The following PRKACG variants were observed in gnomAD, a reference collection of about 807,000 sequenced individuals.
PRKACG encodes the protein protein kinase cAMP-activated catalytic subunit gamma.
PRKACG carries 24 observed loss-of-function variants against 25.6 expected under a neutral mutation model. That is an observed-to-expected ratio of 0.94 (90% CI 0.68 to 1.32). The LOEUF (loss-of-function observed/expected upper bound fraction) is 1.32. Ranked by LOEUF, PRKACG falls within the 40% of genes most tolerant of loss-of-function variation. The pLI, the probability that PRKACG is intolerant of heterozygous loss-of-function variation, is 0.00. For missense variants in PRKACG, 481 were observed against 462.9 expected, an observed-to-expected ratio of 1.04 and a Z score of -0.36; for synonymous variants, 202 against 195.9, an observed-to-expected ratio of 1.03 and a Z score of -0.26.
chr9:69,013,769 C>G lies in PRKACG; in HGVS notation c.324G>C (p.Gln108His), dbSNP rs1260326952. Residue 108 changes from glutamine (Q) to histidine (H), a missense_variant, in exon 1 of 1, where the codon CAG (glutamine) becomes CAC (histidine). Physicochemically the swap from Gln to His is conservative, Grantham distance 24 (BLOSUM62 0). Transcript: ENST00000377276. ...GGTAGGAGTTGTCCTTAAAGGAGAA[C>G]TGGAGCTTGACGAGGAACGGAAAGT... ...AIDFPFLVKL[Q>H]FSFKDNSYLY... 1 of 1,614,018 alleles carries G rather than the reference C, an allele frequency of 6.2e-7. No homozygotes were observed. Among genetic ancestry groups the G allele is most frequent in the Admixed American group, 1.7e-5 (1 of 60,004 alleles).
At position 69,013,488 on chromosome 9, in the gene PRKACG, G is replaced by T. The variant is rs769925081; in HGVS notation, c.605C>A (p.Thr202Asn). ...VKGRTWTLCG[T>N]PEYLAPEIIL... ...GATCTCGGGGGCCAGGTACTCTGGG[G>T]TCCCGCACAAGGTCCAAGTGCGGCC... Residue 202 changes from threonine (T) to asparagine (N), a missense_variant, in exon 1 of 1, where the codon ACC (threonine) becomes AAC (asparagine). Physicochemically the swap from Thr to Asn is moderately conservative, Grantham distance 65. Transcript: ENST00000377276. 1 of 1,614,004 alleles carries T rather than the reference G, an allele frequency of 6.2e-7. No homozygotes were observed. Among genetic ancestry groups the T allele is most frequent in the Admixed American group, 1.7e-5 (1 of 60,012 alleles).
Position 69,014,057 on chromosome 9 carries a change from C to A in PRKACG, c.36G>T (p.Gln12His). The A allele has an allele frequency of 6.2e-7, 1 of 1,611,272 alleles. No homozygotes were observed. Residue 12 changes from glutamine (Q) to histidine (H), a missense_variant, in exon 1 of 1, where the codon CAG (glutamine) becomes CAT (histidine). Gln to His is a conservative substitution (Grantham distance 24). Coordinates refer to ENST00000377276, the MANE Select transcript of PRKACG (RefSeq NM_002732.4). ...CTAGGAACTCGTTCACGCTCTCCTC[C>A]TGCTCGGTGTCCTTCTTGGCGGGGG... ...GNAPAKKDTEQEESVNEFLAK... is the reference protein window; with the variant it reads ...GNAPAKKDTEHEESVNEFLAK...
chr9:69,012,752 G>T lies in PRKACG; in HGVS notation c.*285C>A. 1 of 407,200 alleles carries T rather than the reference G, an allele frequency of 2.5e-6. No homozygotes were observed. The highest frequency in any genetic ancestry group is 4.5e-6 in the Non-Finnish European group (1 of 224,452). 25.2% of individuals were successfully genotyped at this position (407,200 alleles called of 1,614,324 possible). On this transcript the variant is annotated 3_prime_UTR_variant, in exon 1 of 1. Coordinates refer to ENST00000377276, the MANE Select transcript of PRKACG (RefSeq NM_002732.4). The stretch of plus-strand genomic sequence containing the variant: ...TGGCCTGAATAGAGCTGAGAAACTC[G>T]TTTAAAACAGGCAGAAGGGGGCTGG...
Position 69,013,100 on chromosome 9 carries a change from G to A in PRKACG, c.993C>T (p.Tyr331=), listed in dbSNP as rs769889956. ...TGGAGATCCGGAGCTCTTCCTCCTC[G>A]TAGTCGTCAAAGTTACTGGCATCCC... ...GPGDASNFDD[Y]EEEELRISIN... The change falls in exon 1 of 1, where the codon TAC becomes TAT. Residue 331 remains tyrosine (Y), a synonymous_variant. Coordinates refer to ENST00000377276, the MANE Select transcript of PRKACG (RefSeq NM_002732.4). 86 of 1,614,052 alleles carry A rather than the reference G, an allele frequency of 5.3e-5. No individual in the cohort carries two copies. Among genetic ancestry groups the A allele is most frequent in the Non-Finnish European group, 6.0e-5 (71 of 1,180,044 alleles).
In PRKACG at chr9:69,013,560, T is replaced by G; in HGVS notation, c.533A>C (p.Gln178Pro). 1.2e-6 allele frequency: 2 copies of G among 1,613,686 alleles called. No homozygotes were observed. Among genetic ancestry groups the G allele is most frequent in the Non-Finnish European group, 1.7e-6 (2 of 1,179,810 alleles). ...GAAGTCCGTCACCTGCAGGTAGCCC[T>G]GCTGGTCGATGAGGAGATTCTCGGG... ...LKPENLLIDQ[Q>P]GYLQVTDFGF... The change falls in exon 1 of 1, where the codon CAG (glutamine) becomes CCG (proline). Residue 178 changes from glutamine (Q) to proline (P), a missense_variant. Transcript: ENST00000377276.
In PRKACG at chr9:69,013,656, A is replaced by C; in HGVS notation, c.437T>G (p.Phe146Cys). ...GGCCAGGACGACCTGGGCGGCATAG[A>C]AACAGGCATGGGGCTCGCTAAACCT... ...VGRFSEPHAC[F>C]YAAQVVLAVQ... Residue 146 changes from phenylalanine (F) to cysteine (C), a missense_variant, in exon 1 of 1, where the codon TTC (phenylalanine) becomes TGC (cysteine). Coordinates refer to ENST00000377276, the MANE Select transcript of PRKACG (RefSeq NM_002732.4). 5 of 1,613,984 alleles carry C rather than the reference A, an allele frequency of 3.1e-6. No homozygotes were observed. The highest frequency in any genetic ancestry group is 2.2e-5 in the East Asian group (1 of 44,826).
In PRKACG at chr9:69,013,969, C is replaced by A. The variant is rs1462562587; in HGVS notation, c.124G>T (p.Asp42Tyr). 1.9e-6 allele frequency: 3 copies of A among 1,613,808 alleles called. No individual in the cohort carries two copies. The highest frequency in any genetic ancestry group is 3.3e-5 in the Admixed American group (2 of 60,018). ...AGCGTCCTGAGCCGTTCGAACTGAT[C>A]CGAGCTGGCGGTGTTTTGAGCGGGG... ...GNPAQNTASS[D>Y]QFERLRTLGM... is the part of the protein sequence containing the mutation. Residue 42 changes from aspartate (D) to tyrosine (Y), a missense_variant, in exon 1 of 1, where the codon GAT becomes TAT. Transcript: ENST00000377276.
rs1260635794 is a variant in PRKACG at position 69,013,147 on chromosome 9, T to A, written c.946A>T (p.Ile316Phe). 6.2e-7 allele frequency: 1 copy of A among 1,614,206 alleles called. No individual in the cohort carries two copies. The highest frequency in any genetic ancestry group is 2.2e-5 in the East Asian group (1 of 44,880). The change falls in exon 1 of 1, where the codon ATC becomes TTC. Residue 316 changes from isoleucine (I) to phenylalanine (F), a missense_variant. By Grantham distance (21) the Ile-to-Phe change is conservative. Coordinates refer to ENST00000377276, the MANE Select transcript of PRKACG (RefSeq NM_002732.4). ...IYEKKVEAPF[I>F]PKYTGPGDAS... ...TCCCCAGGGCCTGTGTACTTCGGGATGAAGGGAGCTTCCACCTTCTTCTCA... is the reference window on the plus strand; with the variant it reads ...TCCCCAGGGCCTGTGTACTTCGGGAAGAAGGGAGCTTCCACCTTCTTCTCA...
In PRKACG at chr9:69,013,526, G is replaced by C; in HGVS notation, c.567C>G (p.Ala189=). 6.2e-7 allele frequency: 1 copy of C among 1,614,066 alleles called. No homozygotes were observed. The highest frequency in any genetic ancestry group is 8.5e-7 in the Non-Finnish European group (1 of 1,180,016). The change falls in exon 1 of 1, where the codon GCC becomes GCG. Residue 189 remains alanine, a synonymous_variant. Transcript: ENST00000377276. ...GYLQVTDFGF[A]KRVKGRTWTL... is the part of the protein sequence containing the mutation. ...TCCAAGTGCGGCCCTTCACGCGCTT[G>C]GCGAAACCGAAGTCCGTCACCTGCA... is the stretch of plus-strand genomic sequence containing the variant.
In PRKACG at chr9:69,013,679, C is replaced by G. The variant is rs142083047; in HGVS notation, c.414G>C (p.Arg138Ser). The change falls in exon 1 of 1, where the codon AGG (arginine) becomes AGC (serine). Residue 138 changes from arginine (R) to serine (S), a missense_variant. Arg to Ser is a moderately radical substitution (Grantham distance 110). Coordinates refer to ENST00000377276, the MANE Select transcript of PRKACG (RefSeq NM_002732.4). ...AGAAACAGGCATGGGGCTCGCTAAA[C>G]CTTCCGACGCGCTGTAGGCGGGAGA... ...EMFSRLQRVG[R>S]FSEPHACFYA... 5.6e-6 allele frequency: 9 copies of G among 1,613,994 alleles called. No individual in the cohort carries two copies. In the Admixed American group the frequency reaches 1.2e-4, roughly 21 times the overall value.
chr9:69,013,636 G>A lies in PRKACG; in HGVS notation c.457C>T (p.Leu153=). The A allele has an allele frequency of 3.1e-6, 5 of 1,613,852 alleles. No homozygotes were observed. The highest frequency in any genetic ancestry group is 4.2e-6 in the Non-Finnish European group (5 of 1,179,924). The change falls in exon 1 of 1, where the codon CTG becomes TTG. Residue 153 remains leucine, a synonymous_variant. Transcript: ENST00000377276. ...HACFYAAQVV[L]AVQYLHSLDL... ...AGCGAGTGTAGGTACTGGACGGCCA[G>A]GACGACCTGGGCGGCATAGAAACAG...
chr9:69,013,328 C>G lies in PRKACG; in HGVS notation c.765G>C (p.Arg255Ser). ...AGCTGAGTTTGGAGGGAAACCGCACCCTCCCAGAGACGATCTTCTCGTAGA... is the reference window on the plus strand; with the variant it reads ...AGCTGAGTTTGGAGGGAAACCGCACGCTCCCAGAGACGATCTTCTCGTAGA... The part of the protein sequence containing the change: ...IQIYEKIVSG[R>S]VRFPSKLSSD... The change falls in exon 1 of 1, where the codon AGG becomes AGC. Residue 255 changes from arginine to serine, a missense_variant. By Grantham distance (110) the Arg-to-Ser change is moderately radical. Coordinates refer to ENST00000377276, the MANE Select transcript of PRKACG (RefSeq NM_002732.4). The G allele has an allele frequency of 1.2e-6, 2 of 1,614,110 alleles. No individual in the cohort carries two copies. Among genetic ancestry groups the G allele is most frequent in the Non-Finnish European group, 8.5e-7 (1 of 1,180,028 alleles).
At position 69,012,969 on chromosome 9, in the gene PRKACG, A is replaced by G; in HGVS notation, c.*68T>C. ...CTGGGGCCCTCTGGCTGTTCAATCC[A>G]ACCCTCCCATCCCCCAAACCACCAA... On this transcript the variant is annotated 3_prime_UTR_variant, in exon 1 of 1. Coordinates refer to ENST00000377276, the MANE Select transcript of PRKACG (RefSeq NM_002732.4). 1 of 1,499,376 alleles carries G rather than the reference A, an allele frequency of 6.7e-7. No individual in the cohort carries two copies. Among genetic ancestry groups the G allele is most frequent in the Non-Finnish European group, 9.0e-7 (1 of 1,112,962 alleles). 92.9% of individuals were successfully genotyped at this position (1,499,376 alleles called of 1,614,324 possible). A position where few individuals can be genotyped will look rare whatever the true frequency, so the allele number is the denominator to read the frequency against.
chr9:69,013,395 G>A lies in PRKACG; in HGVS notation c.698C>T (p.Ala233Val). 2.5e-6 allele frequency: 4 copies of A among 1,613,620 alleles called. No homozygotes were observed. The highest frequency in any genetic ancestry group is 3.4e-6 in the Non-Finnish European group (4 of 1,180,000). ...GGCGTAGAAGGGTGGGAAGCCCACG[G>A]CCATCTCATAGATGAGCACCCCTAG... ...WALGVLIYEM[A>V]VGFPPFYADQ... Residue 233 changes from alanine to valine, a missense_variant, in exon 1 of 1, where the codon GCC becomes GTC. By Grantham distance (64) the Ala-to-Val change is moderately conservative. Transcript: ENST00000377276.
rs781240104 is a variant in PRKACG at position 69,014,045 on chromosome 9, C to T, written c.48G>A (p.Val16=). Residue 16 remains valine (V), a synonymous_variant, in exon 1 of 1, where the codon GTG becomes GTA. Transcript: ENST00000377276. ...AKKDTEQEES[V]NEFLAKARGD... ...CTCTGGCTTTGGCTAGGAACTCGTT[C>T]ACGCTCTCCTCCTGCTCGGTGTCCT... 2 of 1,612,788 alleles carry T rather than the reference C, an allele frequency of 1.2e-6. No individual in the cohort carries two copies. The highest frequency in any genetic ancestry group is 1.7e-4 in the Middle Eastern group (1 of 6,060).
Position 69,013,592 on chromosome 9 carries a change from G to A in PRKACG, c.501C>T (p.Asp167=), listed in dbSNP as rs372714447. The change falls in exon 1 of 1, where the codon GAC becomes GAT. Residue 167 remains aspartate (D), a synonymous_variant. Transcript: ENST00000377276. ...CGATGAGGAGATTCTCGGGCTTCAG[G>A]TCGCGGTGGATGAGGTCGAGCGAGT... is the stretch of plus-strand genomic sequence containing the variant. The part of the protein sequence containing the change: ...YLHSLDLIHR[D]LKPENLLIDQ... The A allele has an allele frequency of 6.2e-7, 1 of 1,613,198 alleles. No individual in the cohort carries two copies. The highest frequency in any genetic ancestry group is 1.3e-5 in the African/African-American group (1 of 74,996).
chr9:69,014,076 G>T lies in PRKACG; in HGVS notation c.17C>A (p.Ala6Asp), dbSNP rs376702603. ...CTCCTCCTGCTCGGTGTCCTTCTTG[G>T]CGGGGGCGTTGCCCATGGCGGTGGC... is the stretch of plus-strand genomic sequence containing the variant. Reference protein sequence around the residue: MGNAPAKKDTEQEESV... With the variant: MGNAPDKKDTEQEESV... Residue 6 changes from alanine to aspartate, a missense_variant, in exon 1 of 1, where the codon GCC becomes GAC. Physicochemically the swap from Ala to Asp is moderately radical, Grantham distance 126. Coordinates refer to ENST00000377276, the MANE Select transcript of PRKACG (RefSeq NM_002732.4). 49 of 1,603,180 alleles carry T rather than the reference G, an allele frequency of 3.1e-5. No individual in the cohort carries two copies. Among genetic ancestry groups the T allele is most frequent in the Non-Finnish European group, 4.0e-5 (47 of 1,174,718 alleles).
In PRKACG at chr9:69,013,366, G is replaced by C; in HGVS notation, c.727C>G (p.Gln243Glu). 6.2e-7 allele frequency: 1 copy of C among 1,613,934 alleles called. No homozygotes were observed. The stretch of plus-strand genomic sequence containing the variant: ...ATCTTCTCGTAGATCTGGATGGGCT[G>C]GTCGGCGTAGAAGGGTGGGAAGCCC... ...AVGFPPFYAD[Q>E]PIQIYEKIVS... is the part of the protein sequence containing the mutation. The change falls in exon 1 of 1, where the codon CAG (glutamine) becomes GAG (glutamate). Residue 243 changes from glutamine (Q) to glutamate (E), a missense_variant. Coordinates refer to ENST00000377276, the MANE Select transcript of PRKACG (RefSeq NM_002732.4).
Position 69,012,987 on chromosome 9 carries a change from A to G in PRKACG, c.*50T>C. 6.4e-7 allele frequency: 1 copy of G among 1,563,858 alleles called. No individual in the cohort carries two copies. Among genetic ancestry groups the G allele is most frequent in the Non-Finnish European group, 8.6e-7 (1 of 1,158,316 alleles). ...TCAATCCAACCCTCCCATCCCCCAA[A>G]CCACCAAAAACAAAAAGGAAAGAAA... On this transcript the variant is annotated 3_prime_UTR_variant, in exon 1 of 1. Coordinates refer to ENST00000377276, the MANE Select transcript of PRKACG (RefSeq NM_002732.4).
Sources: allele counts gnomAD v4.1 joint callset, GRCh38; gene constraint gnomAD v4.1.1; transcripts MANE v1.5; gene names NCBI Gene and HGNC (gene_info 2026-07-23, HGNC 2026-07-21).